The following ATP8A2 variants were observed in gnomAD, a reference collection of about 807,000 sequenced individuals.
ATP8A2 encodes the protein ATPase phospholipid transporting 8A2.
ATP8A2 carries 100 observed loss-of-function variants against 165.6 expected under a neutral mutation model. The observed-to-expected ratio is 0.60, with a 90% CI of 0.51 to 0.71. ATP8A2 has a LOEUF of 0.71. Ranked by LOEUF, ATP8A2 falls within the 30% of genes least tolerant of loss-of-function variation. The pLI is 0.00. For missense variants in ATP8A2, 1,227 were observed against 1,479.5 expected (o/e 0.83, Z 2.80); for synonymous variants, 543 against 548.8 (o/e 0.99, Z 0.15).
At chr13:25,646,278 A>C (rs539857661) in intron 24 of ATP8A2, among the ~76,000 whole-genome samples, 2 of 152,062 alleles carry the variant, frequency 1.3e-5, no homozygotes, top group Non-Finnish European at 2.9e-5. Context: ...ATCTTTTTCT[A>C]TCTCTTCACT....
At chr13:25,993,190 T>C (rs1022878908) in intron 35 of ATP8A2, among the ~76,000 whole-genome samples, 5 of 152,182 alleles carry the variant, frequency 3.3e-5, no homozygotes, top group African/African-American at 1.2e-4. Context: ...TTATAGTCAT[T>C]TGGGTATATA....
At chr13:25,542,383 T>A (rs1199235186) in intron 9 of ATP8A2, among the ~76,000 whole-genome samples, 1 of 149,300 alleles carries the variant, frequency 6.7e-6, no homozygotes, top group African/African-American at 2.6e-5. Context: ...TGTGTATGTG[T>A]ATTTTTTTTT....
chr13:25,710,005 G>T (rs980752330), intron 25 of ATP8A2, among the ~76,000 whole-genome samples: 14 of 152,254 alleles, frequency 9.2e-5, no homozygotes, highest in African/African-American at 3.4e-4. Flanking sequence ...ATCGCTGGGT[G>T]TCTTGCATTT....
At chr13:25,618,371 T>C (rs1450378753) in intron 24 of ATP8A2, among the ~76,000 whole-genome samples, 1 of 152,104 alleles carries the variant, frequency 6.6e-6, no homozygotes, top group African/African-American at 2.4e-5. Flanking sequence ...ATACAGCTGG[T>C]TGTTCATGCC....
At chr13:25,513,904 G>A (rs2037372141) in intron 2 of ATP8A2, among the ~76,000 whole-genome samples, 1 of 150,062 alleles carries the variant, frequency 6.7e-6, no homozygotes. Context: ...CGAGATGGGA[G>A]CAGTAAAGTC....
At chr13:25,437,650 A>G (rs1010279452) in intron 1 of ATP8A2, among the ~76,000 whole-genome samples, 1 of 152,226 alleles carries the variant, frequency 6.6e-6, no homozygotes. Context: ...TTTCTAAAAG[A>G]TTCCTGATGG....
At chr13:25,563,380 G>C (rs2039218039) in intron 15 of ATP8A2, among the ~76,000 whole-genome samples, 2 of 150,024 alleles carry the variant, frequency 1.3e-5, no homozygotes. Flanking sequence ...TTGCACTCCA[G>C]CCTGGGCAAC....
At chr13:25,944,976 A>T (rs1955172605) in intron 33 of ATP8A2, among the ~76,000 whole-genome samples, 1 of 152,272 alleles carries the variant, frequency 6.6e-6, no homozygotes, top group South Asian at 2.1e-4. Flanking sequence ...GAAATAATGT[A>T]TATAGGCATA....
chr13:25,486,032 G>A (rs1005991719), intron 2 of ATP8A2, among the ~76,000 whole-genome samples: 10 of 152,150 alleles, frequency 6.6e-5, no homozygotes, highest in Middle Eastern at 3.2e-3. Context: ...TAGTATGTAC[G>A]AACTCTGAGG....
chr13:25,674,949 A>G (rs2042343110), intron 24 of ATP8A2, among the ~76,000 whole-genome samples: 1 of 152,220 alleles, frequency 6.6e-6, no homozygotes, highest in Non-Finnish European at 1.5e-5. Context: ...TTGAAAGCAA[A>G]TTTCAGTCAC....
intron 28 of ATP8A2, among the ~76,000 whole-genome samples, chr13:25,832,897 T>G (rs910103606): frequency 6.6e-6 from 1 of 152,180 alleles, no homozygotes; most frequent in African/African-American, 2.4e-5. Context: ...CGTATACACA[T>G]ATGCTCACAG....
chr13:25,737,892 G>A (rs1188382318), intron 25 of ATP8A2, among the ~76,000 whole-genome samples: 1 of 152,124 alleles, frequency 6.6e-6, no homozygotes, highest in Non-Finnish European at 1.5e-5. Flanking sequence ...CACCGTGTTA[G>A]CCAGGATGGT....
chr13:25,946,466 T>C (rs920675698), intron 33 of ATP8A2, among the ~76,000 whole-genome samples: 2 of 152,216 alleles, frequency 1.3e-5, no homozygotes, highest in South Asian at 2.1e-4. Flanking sequence ...AAGGCCTCCA[T>C]GTCCATCCCA....
intron 28 of ATP8A2, among the ~76,000 whole-genome samples, chr13:25,830,242 G>A (rs1044656865): frequency 6.6e-6 from 1 of 151,888 alleles, no homozygotes; most frequent in Non-Finnish European, 1.5e-5. Flanking sequence ...CAAACTCCTG[G>A]GCTCAAGCAG....
intron 6 of ATP8A2, 92 bp downstream of exon 6, chr13:25,533,405 G>C (rs1433809965): frequency 1.4e-6 from 1 of 727,194 alleles, no homozygotes; most frequent in East Asian, 2.7e-5. Context: ...GTTTCTGTTA[G>C]ACACAGTAGA....
intron 27 of ATP8A2, among the ~76,000 whole-genome samples, chr13:25,790,756 G>T (rs1327045885): frequency 1.3e-5 from 2 of 150,536 alleles, no homozygotes; most frequent in Non-Finnish European, 3.0e-5. Flanking sequence ...GACATACACA[G>T]TGGCCAACAA....
intron 33 of ATP8A2, chr13:25,863,349 C>T (rs1952410307): frequency 6.5e-6 from 1 of 152,726 alleles, no homozygotes; most frequent in Admixed American, 6.5e-5. Flanking sequence ...CCAAAAGCCT[C>T]CTGCCCAGGC....
At chr13:25,837,843 A>T (rs1243937204) in intron 29 of ATP8A2, among the ~76,000 whole-genome samples, 3 of 152,004 alleles carry the variant, frequency 2.0e-5, no homozygotes, top group Non-Finnish European at 2.9e-5. Flanking sequence ...AAAAAAAAAT[A>T]AAAAAAAGAA....
intron 25 of ATP8A2, among the ~76,000 whole-genome samples, chr13:25,756,611 G>T (rs946758570): frequency 2.0e-5 from 3 of 152,160 alleles, no homozygotes; most frequent in Non-Finnish European, 4.4e-5. Context: ...CACTTCTTAG[G>T]TTGTGACCTC....
Sources: gnomAD v4.1 joint callset for allele counts (sites outside exome capture counted in the v4.1 genomes callset) on GRCh38, gnomAD v4.1.1 for gene constraint, MANE v1.5 for transcripts, NCBI Gene and HGNC (gene_info 2026-07-23, HGNC 2026-07-21) for gene names.